The following SDK1 variants were observed in gnomAD, a reference collection of about 807,000 sequenced individuals.
The protein encoded by SDK1 is sidekick cell adhesion molecule 1, also known as protein sidekick-1.
SDK1 carries 157 observed loss-of-function variants against 245.5 expected under a neutral mutation model. The observed-to-expected ratio is 0.64, with a 90% confidence interval of 0.56 to 0.73. The LOEUF (loss-of-function observed/expected upper bound fraction) is 0.73. Ranked by LOEUF, SDK1 falls within the 30% of genes least tolerant of loss-of-function variation. The pLI is 0.00. For missense variants in SDK1, 3,583 were observed against 3,002.3 expected (o/e 1.19, Z -4.52); for synonymous variants, 1,647 against 1,278.5 (o/e 1.29, Z -6.15).
At chr7:3,689,213 C>T (rs1186322318) in intron 4 of SDK1, among the ~76,000 whole-genome samples, 3 of 152,124 alleles carry the variant, frequency 2.0e-5, no homozygotes, top group Admixed American at 1.3e-4. Context: ...TTATGATAAC[C>T]CTGCTTCTGT....
intron 1 of SDK1, among the ~76,000 whole-genome samples, chr7:3,403,861 ATATATATAAT>A (rs1461757805): frequency 1.4e-4 from 15 of 109,188 alleles, no homozygotes; most frequent in African/African-American, 5.2e-4. Context: ...ATATATATAT[ATATATATAAT>A]ATATATATTT....
At chr7:3,511,069 G>A (rs73035928) in intron 1 of SDK1, among the ~76,000 whole-genome samples, 13,593 of 152,204 alleles carry the variant, frequency 0.089, 844 homozygotes, top group African/African-American at 0.17. Context: ...ACAGTGGCTT[G>A]GGCCAGGGTG....
chr7:4,140,354 C>T (rs1036426283), intron 28 of SDK1, among the ~76,000 whole-genome samples: 1 of 152,150 alleles, frequency 6.6e-6, no homozygotes, highest in Non-Finnish European at 1.5e-5. Flanking sequence ...AATTCAGCCT[C>T]CCCAGATGGG....
chr7:3,597,051 A>G (rs565003092), intron 1 of SDK1, among the ~76,000 whole-genome samples: 1 of 152,058 alleles, frequency 6.6e-6, no homozygotes, highest in Non-Finnish European at 1.5e-5. Flanking sequence ...CAGGCGGATC[A>G]TGAGGTCAGG....
At chr7:3,549,596 G>A (rs1235951524) in intron 1 of SDK1, among the ~76,000 whole-genome samples, 1 of 152,254 alleles carries the variant, frequency 6.6e-6, no homozygotes, top group Middle Eastern at 3.4e-3. Context: ...TTACATCTGC[G>A]ATCAGAGTTA....
chr7:4,012,630 G>C (rs998437935), intron 16 of SDK1, among the ~76,000 whole-genome samples: 2 of 125,436 alleles, frequency 1.6e-5, no homozygotes, highest in African/African-American at 6.1e-5. Flanking sequence ...CTGGAGTGCA[G>C]TGGCACAATC....
intron 1 of SDK1, among the ~76,000 whole-genome samples, chr7:3,437,938 C>T (rs1217725038): frequency 1.3e-5 from 2 of 152,142 alleles, no homozygotes; most frequent in South Asian, 2.1e-4. Context: ...ACTCCCCCTA[C>T]GTTTGTGTAT....
intron 1 of SDK1, among the ~76,000 whole-genome samples, chr7:3,411,654 T>A (rs143688849): frequency 1.2e-3 from 176 of 152,326 alleles, no homozygotes; most frequent in African/African-American, 4.0e-3. Context: ...TATGCTAATT[T>A]TAACCTGAAA....
At chr7:3,468,234 T>C (rs189599717) in intron 1 of SDK1, among the ~76,000 whole-genome samples, 168 of 152,294 alleles carry the variant, frequency 1.1e-3, no homozygotes, top group African/African-American at 3.3e-3. Flanking sequence ...TAATGAAATG[T>C]GATTCTCTCA....
At chr7:4,076,041 A>G (rs998575649) in intron 20 of SDK1, among the ~76,000 whole-genome samples, 2 of 152,296 alleles carry the variant, frequency 1.3e-5, no homozygotes, top group African/African-American at 4.8e-5. Flanking sequence ...AAGAGAGTAT[A>G]GGGGGAAATC....
At chr7:3,614,153 A>C (rs1275381878) in intron 1 of SDK1, among the ~76,000 whole-genome samples, 1 of 152,230 alleles carries the variant, frequency 6.6e-6, no homozygotes, top group Non-Finnish European at 1.5e-5. Flanking sequence ...TGTTGTCTTG[A>C]GACAATGTTA....
chr7:3,327,904 T>C (rs1405026983), intron 1 of SDK1, among the ~76,000 whole-genome samples: 4 of 152,142 alleles, frequency 2.6e-5, no homozygotes, highest in Non-Finnish European at 5.9e-5. Context: ...ATACCTATAG[T>C]TGTCGTTCTG....
intron 1 of SDK1, among the ~76,000 whole-genome samples, chr7:3,453,097 C>G (rs1007734626): frequency 6.6e-6 from 1 of 152,154 alleles, no homozygotes; most frequent in Non-Finnish European, 1.5e-5. Flanking sequence ...GGTACCCATC[C>G]TGCCACTGGT....
intron 4 of SDK1, among the ~76,000 whole-genome samples, chr7:3,790,711 C>A (rs966555140): frequency 3.3e-5 from 5 of 152,120 alleles, no homozygotes; most frequent in Admixed American, 2.6e-4. Context: ...GAGACTGAGG[C>A]AGGAGAATTG....
intron 18 of SDK1, among the ~76,000 whole-genome samples, chr7:4,050,392 T>C (rs562582945): frequency 6.6e-6 from 1 of 152,236 alleles, no homozygotes; most frequent in South Asian, 2.1e-4. Context: ...AAAATCATAT[T>C]GATCAAGCAA....
chr7:4,124,688 T>A (rs1784267257), intron 25 of SDK1, among the ~76,000 whole-genome samples: 3 of 152,198 alleles, frequency 2.0e-5, no homozygotes, highest in Admixed American at 2.0e-4. Context: ...GTGTAGAAAA[T>A]CTTGCAATTA....
chr7:3,728,548 A>T (rs1456978317), intron 4 of SDK1, among the ~76,000 whole-genome samples: 1 of 152,188 alleles, frequency 6.6e-6, no homozygotes, highest in Non-Finnish European at 1.5e-5. Context: ...CAGTGGAGAA[A>T]GGCCTTGTGA....
chr7:3,962,649 C>T lies in SDK1; in HGVS notation c.1235-8C>T. ...TTTAAAATCCTATTTATTCCCATTC[C>T]TACGCAGGGGTCCCCCTTCCCACCC... On this transcript the variant is annotated splice_polypyrimidine_tract_variant and splice_region_variant and intron_variant, in intron 8 of 44. Coordinates refer to ENST00000404826, the MANE Select transcript of SDK1 (RefSeq NM_152744.4). 2 of 1,596,204 alleles carry T rather than the reference C, an allele frequency of 1.3e-6. No individual in the cohort carries two copies. The highest frequency in any genetic ancestry group is 1.7e-6 in the Non-Finnish European group (2 of 1,169,758).
chr7:3,831,471 G>C (rs1468293071), intron 5 of SDK1, among the ~76,000 whole-genome samples: 4 of 152,128 alleles, frequency 2.6e-5, no homozygotes. Flanking sequence ...TGTGTGAGTT[G>C]CTAGGCTAAA....
Sources: gnomAD v4.1 joint callset for allele counts (sites outside exome capture counted in the v4.1 genomes callset) on GRCh38, gnomAD v4.1.1 for gene constraint, MANE v1.5 for transcripts, NCBI Gene and HGNC (gene_info 2026-07-23, HGNC 2026-07-21) for gene names.